The following PTPRN2 variants were observed in gnomAD, a reference collection of about 807,000 sequenced individuals.
PTPRN2 encodes the protein protein tyrosine phosphatase receptor type N2.
Under a neutral mutation model 118.8 loss-of-function variants are expected in PTPRN2, and 74 were observed. The ratio of observed to expected loss-of-function variants is 0.62; its 90% CI spans 0.52 to 0.76. The LOEUF is 0.76. Among genes scored for constraint, PTPRN2 ranks in the 30% least tolerant of loss-of-function variants. The pLI is 0.00. For missense variants in PTPRN2, 1,481 were observed against 1,394.4 expected (o/e 1.06, Z -0.99); for synonymous variants, 641 against 608.0 (o/e 1.05, Z -0.80).
chr7:157,735,834 G>C (rs1800263218), intron 12 of PTPRN2, among the ~76,000 whole-genome samples: 1 of 152,196 alleles, frequency 6.6e-6, no homozygotes, highest in South Asian at 2.1e-4. Context: ...TCTCGGGAAA[G>C]GAGGCCCCCG....
At chr7:158,182,841 CT>C (rs1053022235) in intron 5 of PTPRN2, among the ~76,000 whole-genome samples, 6 of 152,226 alleles carry the variant, frequency 3.9e-5, no homozygotes, top group African/African-American at 1.4e-4. Flanking sequence ...CCATTGTTTC[CT>C]TGTTGACTTT....
chr7:158,311,870 G>C (rs1270120118), intron 3 of PTPRN2, among the ~76,000 whole-genome samples: 1 of 141,938 alleles, frequency 7.0e-6, no homozygotes, highest in Admixed American at 6.9e-5. Flanking sequence ...CTCATGTGTA[G>C]ACACCCACAC....
chr7:157,656,430 C>A lies in PTPRN2; in HGVS notation c.2123G>T (p.Arg708Leu). Residue 708 changes from arginine (R) to leucine (L), a missense_variant, in exon 14 of 23, where the codon CGC (arginine) becomes CTC (leucine). Physicochemically the swap from Arg to Leu is moderately radical, Grantham distance 102. Around this residue, in one of 3 missense-constraint regions of PTPRN2, gnomAD observed 1,115 missense variants for 994.2 expected, o/e 1.12. Coordinates refer to ENST00000389418, the MANE Select transcript of PTPRN2 (RefSeq NM_002847.5). Reference protein sequence around the residue: ...SDGPIPSPSARSSASSWSEEP... With the variant: ...SDGPIPSPSALSSASSWSEEP... Reference sequence around the variant, plus strand: ...CTCGGACCAGGATGAGGCGCTGCTGCGTGCGGAGGGGCTGGGGATCGGCCC... The same window carrying A: ...CTCGGACCAGGATGAGGCGCTGCTGAGTGCGGAGGGGCTGGGGATCGGCCC... The A allele has an allele frequency of 6.4e-7, 1 of 1,553,770 alleles. No homozygotes were observed. Among genetic ancestry groups the A allele is most frequent in the Non-Finnish European group, 8.7e-7 (1 of 1,148,818 alleles).
intron 3 of PTPRN2, among the ~76,000 whole-genome samples, chr7:158,226,377 G>A (rs956571742): frequency 5.9e-5 from 9 of 152,200 alleles, no homozygotes; most frequent in African/African-American, 2.2e-4. Context: ...AGGTCACTGG[G>A]GAAGAGGAAA....
Position 157,709,039 on chromosome 7 carries a change from C to T in PTPRN2, c.1789-26102G>A, listed in dbSNP as rs371531804. On this transcript the variant is annotated intron_variant, in intron 12 of 22. Transcript: ENST00000389418. ...CTGGGGCTGGAGACTACAGTCTGGA[C>T]CCTCAGGCGGCAGAGGAGCGAGCCG... 4.6e-4 allele frequency among the ~76,000 whole-genome samples: 70 copies of T among 152,298 alleles called. No homozygotes were observed. The East Asian group carries it at 6.0e-3, about 13-fold the overall frequency.
At chr7:157,793,125 G>A (rs894613971) in intron 12 of PTPRN2, among the ~76,000 whole-genome samples, 7 of 152,078 alleles carry the variant, frequency 4.6e-5, no homozygotes, top group East Asian at 1.9e-4. Context: ...CTGCAGCTGC[G>A]GTTGTGGTCG....
intron 3 of PTPRN2, among the ~76,000 whole-genome samples, chr7:158,259,246 T>C (rs1241992488): frequency 3.3e-5 from 5 of 152,036 alleles, no homozygotes; most frequent in Non-Finnish European, 5.9e-5. Context: ...AACACAATGC[T>C]AAAGGGCCAC....
rs530306786 is a variant in PTPRN2 at position 157,941,323 on chromosome 7, C to T, written c.1724-42586G>A. The stretch of plus-strand genomic sequence containing the variant: ...CCCTGTGACACTGCAAATCTAACAC[C>T]CTCCCCACCACGACACTGCAAATCT... On this transcript the variant is annotated intron_variant, in intron 11 of 22. Transcript: ENST00000389418. Among the ~76,000 whole-genome samples the T allele has an allele frequency of 9.7e-5, 10 of 102,688 alleles. No individual in the cohort carries two copies. In the South Asian group the frequency reaches 2.3e-3, roughly 23 times the overall value. The allele number at this position is 102,688 out of a possible 152,430, so 67.4% of individuals were successfully genotyped here.
At chr7:157,968,454 T>C (rs1802093322) in intron 11 of PTPRN2, among the ~76,000 whole-genome samples, 1 of 152,234 alleles carries the variant, frequency 6.6e-6, no homozygotes, top group East Asian at 1.9e-4. Flanking sequence ...GCAAAGTGAG[T>C]TGTGAAAACT....
At chr7:158,115,396 G>A (rs1816651040) in intron 9 of PTPRN2, among the ~76,000 whole-genome samples, 1 of 152,138 alleles carries the variant, frequency 6.6e-6, no homozygotes, top group African/African-American at 2.4e-5. Context: ...GAGTGAGAAA[G>A]GTGGGCTCTG....
intron 2 of PTPRN2, among the ~76,000 whole-genome samples, chr7:158,340,998 G>C (rs1586382667): frequency 1.5e-5 from 1 of 67,540 alleles, no homozygotes; most frequent in South Asian, 7.7e-4. Context: ...CTCACCATAA[G>C]AGGTGAAACC....
At chr7:158,482,058 G>A (rs1398247288) in intron 2 of PTPRN2, among the ~76,000 whole-genome samples, 1 of 152,218 alleles carries the variant, frequency 6.6e-6, no homozygotes, top group Non-Finnish European at 1.5e-5. Flanking sequence ...AGAGCTGCCT[G>A]AAGATGTGAC....
At chr7:157,983,985 C>T (rs1014490343) in intron 11 of PTPRN2, among the ~76,000 whole-genome samples, 1 of 152,060 alleles carries the variant, frequency 6.6e-6, no homozygotes, top group East Asian at 1.9e-4. Context: ...CACCCAGCGC[C>T]GCGAGCATCT....
At chr7:157,875,879 G>A (rs1392123487) in intron 12 of PTPRN2, among the ~76,000 whole-genome samples, 1 of 146,812 alleles carries the variant, frequency 6.8e-6, no homozygotes, top group Non-Finnish European at 1.5e-5. Flanking sequence ...AGAGGGTCAG[G>A]AGGGGCCGAG....
intron 11 of PTPRN2, among the ~76,000 whole-genome samples, chr7:158,009,019 C>T (rs1805858372): frequency 6.6e-6 from 1 of 152,124 alleles, no homozygotes; most frequent in South Asian, 2.1e-4. Flanking sequence ...CTGCACTTCC[C>T]CGAGGTCACT....
rs901206371 is a variant in PTPRN2, at chr7:157,964,103, C to T, written c.1724-65366G>A. On this transcript the variant is annotated intron_variant, in intron 11 of 22. Transcript: ENST00000389418. This position sits in a 1 kb window ranked among gnomAD's most constrained non-coding sequence, Gnocchi z 9.0. ...CTGTAAGAGGCTGTTGAGGGCACGA[C>T]CACCTCGCAGTGACCTCCCTCTGTG... 1.3e-5 allele frequency among the ~76,000 whole-genome samples: 2 copies of T among 152,186 alleles called. No homozygotes were observed. Among genetic ancestry groups the T allele is most frequent in the Admixed American group, 6.5e-5 (1 of 15,286 alleles).
intron 1 of PTPRN2, among the ~76,000 whole-genome samples, chr7:158,512,873 A>G (rs1208300719): frequency 6.6e-6 from 1 of 152,242 alleles, no homozygotes; most frequent in Non-Finnish European, 1.5e-5. Context: ...AAGCTGGAAC[A>G]ATGTGAGCAA....
At chr7:157,991,816 C>T (rs559860764) in intron 11 of PTPRN2, among the ~76,000 whole-genome samples, 76 of 151,536 alleles carry the variant, frequency 5.0e-4, no homozygotes, top group Admixed American at 9.8e-4. Flanking sequence ...AAGTGATGCA[C>T]CCAAGGCTGG....
intron 11 of PTPRN2, among the ~76,000 whole-genome samples, chr7:158,017,591 CCA>C (rs1355326008): frequency 6.6e-6 from 1 of 152,176 alleles, no homozygotes; most frequent in East Asian, 1.9e-4. Context: ...TCTATGTTAA[CCA>C]CACAGTTTCA....
Sources: allele counts gnomAD v4.1 joint callset (sites outside exome capture counted in the v4.1 genomes callset), GRCh38; gene constraint gnomAD v4.1.1; regional missense constraint gnomAD v4.1.1; non-coding constraint Gnocchi (gnomAD v3.1); transcripts MANE v1.5; gene names NCBI Gene and HGNC (gene_info 2026-07-23, HGNC 2026-07-21).